Variants in NWD1 observed in about 807,000 individuals in gnomAD.
NWD1 encodes the protein NACHT domain- and WD repeat-containing protein 1.
A neutral mutation model predicts 135.1 loss-of-function variants in NWD1; 129 were observed. The observed-to-expected ratio is 0.96, with a 90% confidence interval of 0.83 to 1.11. The LOEUF (loss-of-function observed/expected upper bound fraction) is 1.11. NWD1 is among the 50% of genes least tolerant of loss of function. NWD1 has a pLI of 0.00. For synonymous variants in NWD1, 773 were observed against 786.0 expected, an observed-to-expected ratio of 0.98 and a Z score of 0.28; for missense variants, 1,740 against 1,851.3, an observed-to-expected ratio of 0.94 and a Z score of 1.10.
At chr19:16,800,674 A>G (rs1970577772) in intron 17 of NWD1, among the ~76,000 whole-genome samples, 3 of 152,122 alleles carry the variant, frequency 2.0e-5, no homozygotes, top group Non-Finnish European at 4.4e-5. Flanking sequence ...TTCCTGGTTC[A>G]CAGATGGCCA....
chr19:16,749,385 G>A lies in NWD1; in HGVS notation c.743G>A (p.Arg248His), dbSNP rs753810178. 16 of 1,613,660 alleles carry A rather than the reference G, an allele frequency of 9.9e-6. No homozygotes were observed. The highest frequency in any genetic ancestry group is 7.7e-5 in the South Asian group (7 of 91,064). The change falls in exon 6 of 19, where the codon CGC (arginine) becomes CAC (histidine). Residue 248 changes from arginine to histidine, a missense_variant. By Grantham distance (29) the Arg-to-His change is conservative. Transcript: ENST00000524140. ...VLKTHRLPWS[R>H]DLVNPKNKTH... The stretch of plus-strand genomic sequence containing the variant: ...AAGACCCACCGCCTGCCGTGGAGCC[G>A]CGACTTGGTGAACCCCAAGAACAAG...
At chr19:16,775,624 T>C (rs1202325074) in intron 11 of NWD1, among the ~76,000 whole-genome samples, 1 of 152,192 alleles carries the variant, frequency 6.6e-6, no homozygotes, top group Non-Finnish European at 1.5e-5. Context: ...AACTTGGATA[T>C]CTCCAACTGT....
rs1287761066 is a variant in NWD1 at position 16,773,314 on chromosome 19, T to C, written c.2599T>C (p.Cys867Arg). The C allele has an allele frequency of 6.2e-7, 1 of 1,612,200 alleles. No homozygotes were observed. Among genetic ancestry groups the C allele is most frequent in the Non-Finnish European group, 8.5e-7 (1 of 1,179,716 alleles). Residue 867 changes from cysteine to arginine, a missense_variant, in exon 11 of 19, where the codon TGT becomes CGT. Physicochemically the swap from Cys to Arg is radical, Grantham distance 180. Transcript: ENST00000524140. Reference sequence around the variant, plus strand: ...ACCCCTCCGGGCAACTCTCAGCGGCTGTCACAAAGGTGAGTCTCCCCAGCA... The same window carrying C: ...ACCCCTCCGGGCAACTCTCAGCGGCCGTCACAAAGGTGAGTCTCCCCAGCA... Reference protein sequence around the residue: ...GGPLRATLSGCHKGITAMAWG... With the variant: ...GGPLRATLSGRHKGITAMAWG...
intron 7 of NWD1, among the ~76,000 whole-genome samples, chr19:16,760,771 A>G (rs2122878295): frequency 6.6e-6 from 1 of 151,728 alleles, no homozygotes; most frequent in Middle Eastern, 3.4e-3. Flanking sequence ...TTGTATTTTT[A>G]GTAGAGACGG....
intron 13 of NWD1, among the ~76,000 whole-genome samples, chr19:16,790,220 A>C (rs1382903838): frequency 6.6e-6 from 1 of 151,968 alleles, no homozygotes; most frequent in East Asian, 1.9e-4. Context: ...TTTCTTGGGA[A>C]CTCAGTGACC....
intron 17 of NWD1, among the ~76,000 whole-genome samples, chr19:16,800,876 T>G (rs1970583853): frequency 6.6e-6 from 1 of 152,152 alleles, no homozygotes; most frequent in Non-Finnish European, 1.5e-5. Context: ...GGCTTAAACC[T>G]ATAATCACAG....
At chr19:16,785,748 G>A (rs1970016726) in intron 12 of NWD1, among the ~76,000 whole-genome samples, 1 of 147,212 alleles carries the variant, frequency 6.8e-6, no homozygotes, top group Non-Finnish European at 1.5e-5. Flanking sequence ...ATACATGAAA[G>A]TATATATACA....
chr19:16,725,008 A>AT (rs137994009), intron 2 of NWD1, among the ~76,000 whole-genome samples: 1 of 78,324 alleles, frequency 1.3e-5, no homozygotes, highest in Non-Finnish European at 3.1e-5. Context: ...ATTTTTATTT[A>AT]TTTTTTATTT....
At chr19:16,796,483 G>C (rs1422164755) in intron 15 of NWD1, among the ~76,000 whole-genome samples, 2 of 152,066 alleles carry the variant, frequency 1.3e-5, no homozygotes, top group South Asian at 4.1e-4. Flanking sequence ...ACAGGAACAG[G>C]AGTTCTCACT....
At chr19:16,761,681 T>G (rs1969018553) in intron 7 of NWD1, among the ~76,000 whole-genome samples, 1 of 152,196 alleles carries the variant, frequency 6.6e-6, no homozygotes, top group African/African-American at 2.4e-5. Context: ...TGTTTCTTAA[T>G]TCTCGGTATA....
At chr19:16,754,429 A>C (rs2122838572) in intron 6 of NWD1, among the ~76,000 whole-genome samples, 3 of 128,990 alleles carry the variant, frequency 2.3e-5, no homozygotes, top group Non-Finnish European at 3.3e-5. Flanking sequence ...TCCGCCCATC[A>C]TTTCTATCTT....
At position 16,790,874 on chromosome 19, in the gene NWD1, T is replaced by A. The variant is rs796528092; in HGVS notation, c.2941-476T>A. ...TACCTTTTGTAAGGTAGCTAATGAG[T>A]TTAAAATCACATGTGAGGCCTGGCC... On this transcript the variant is annotated intron_variant, in intron 13 of 18. Coordinates refer to ENST00000524140, the MANE Select transcript of NWD1 (RefSeq NM_001007525.5). Among the ~76,000 whole-genome samples, 28 of 152,144 alleles carry A rather than the reference T, an allele frequency of 1.8e-4. 1 individual carries two copies. Among genetic ancestry groups the A allele is most frequent in the African/African-American group, 6.7e-4 (28 of 41,506 alleles).
intron 12 of NWD1, among the ~76,000 whole-genome samples, chr19:16,785,066 T>G (rs895092876): frequency 8.0e-5 from 12 of 150,246 alleles, no homozygotes; most frequent in Admixed American, 4.0e-4. Flanking sequence ...AGATTAGTGG[T>G]GGCCAGGGGT....
intron 17 of NWD1, 112 bp downstream of exon 17, chr19:16,800,274 C>T: frequency 8.9e-7 from 1 of 1,124,106 alleles, no homozygotes; most frequent in Non-Finnish European, 1.3e-6. Context: ...TGGCTCACGC[C>T]TGTAATCCCA....
intron 12 of NWD1, among the ~76,000 whole-genome samples, chr19:16,785,851 A>T (rs1292807796): frequency 6.6e-6 from 1 of 150,378 alleles, no homozygotes; most frequent in East Asian, 1.9e-4. Context: ...TTTTGTGTCC[A>T]TTGACTCTTT....
chr19:16,812,724 C>T (rs768155349), intron 18 of NWD1: 2 of 780,658 alleles, frequency 2.6e-6, no homozygotes, highest in Admixed American at 3.4e-5. Flanking sequence ...AAAGAGAGAT[C>T]ATATTGTCTG....
intron 12 of NWD1, among the ~76,000 whole-genome samples, chr19:16,785,512 A>G (rs1205709297): frequency 6.6e-6 from 1 of 151,688 alleles, no homozygotes; most frequent in Non-Finnish European, 1.5e-5. Context: ...CTCTGTCTCA[A>G]AAAAATAAAA....
At chr19:16,748,891 C>T (rs905744389) in intron 5 of NWD1, among the ~76,000 whole-genome samples, 2 of 152,088 alleles carry the variant, frequency 1.3e-5, no homozygotes, top group African/African-American at 4.8e-5. Flanking sequence ...GGTGCAGTCC[C>T]TGGACCAGCA....
chr19:16,753,923 A>G (rs1968678969), intron 6 of NWD1, among the ~76,000 whole-genome samples: 2 of 149,936 alleles, frequency 1.3e-5, no homozygotes, highest in African/African-American at 2.5e-5. Flanking sequence ...CCATCTATCC[A>G]TCATCTCAAT....
Sources: gnomAD v4.1 joint callset for allele counts (sites outside exome capture counted in the v4.1 genomes callset) on GRCh38, gnomAD v4.1.1 for gene constraint, MANE v1.5 for transcripts, NCBI Gene and HGNC (gene_info 2026-07-23, HGNC 2026-07-21) for gene names.